TECPR2: variants seen among roughly 807,000 people sequenced by gnomAD.
TECPR2 encodes tectonin beta-propeller repeat-containing protein 2.
A neutral mutation model predicts 138.1 loss-of-function variants in TECPR2; 65 were observed. That is an observed-to-expected ratio of 0.47 (90% confidence interval 0.39 to 0.58). TECPR2 has a LOEUF of 0.58. Ranked by LOEUF, TECPR2 falls within the 20% of genes least tolerant of loss-of-function variation. The pLI, the probability that TECPR2 is intolerant of heterozygous loss-of-function variation, is 0.00. For synonymous variants in TECPR2, 746 were observed against 749.8 expected, an observed-to-expected ratio of 0.99 and a Z score of 0.08; for missense variants, 1,553 against 1,824.5, an observed-to-expected ratio of 0.85 and a Z score of 2.71.
At chr14:102,372,511 C>G (rs1034788458) in intron 1 of TECPR2, among the ~76,000 whole-genome samples, 1 of 152,194 alleles carries the variant, frequency 6.6e-6, no homozygotes, top group African/African-American at 2.4e-5. Flanking sequence ...GTGATCCGCC[C>G]TGACTCAGTC....
At chr14:102,375,044 C>T (rs1397520112) in intron 1 of TECPR2, among the ~76,000 whole-genome samples, 2 of 151,900 alleles carry the variant, frequency 1.3e-5, no homozygotes, top group Non-Finnish European at 2.9e-5. Context: ...GTGGATAGGC[C>T]GGACACGGTG....
Position 102,414,658 on chromosome 14 carries a change from T to G in TECPR2, c.503T>G (p.Val168Gly). Residue 168 changes from valine to glycine, a missense_variant, in exon 5 of 20, where the codon GTG becomes GGG. Physicochemically the swap from Val to Gly is moderately radical, Grantham distance 109. Transcript: ENST00000359520. The stretch of plus-strand genomic sequence containing the variant: ...CAGGGGCTCTGTAACTCCCAGCTGG[T>G]GTTGGAGGAGCCATCTTCCATTGTG... ...LDQGLCNSQL[V>G]LEEPSSIVQL... The G allele has an allele frequency of 6.2e-7, 1 of 1,614,160 alleles. No homozygotes were observed. Among genetic ancestry groups the G allele is most frequent in the Non-Finnish European group, 8.5e-7 (1 of 1,180,028 alleles).
chr14:102,404,726 G>T (rs1266695545), intron 2 of TECPR2, among the ~76,000 whole-genome samples: 1 of 151,662 alleles, frequency 6.6e-6, no homozygotes, highest in Non-Finnish European at 1.5e-5. Context: ...ACAGGCGTGT[G>T]GCACCACACC....
rs1457181583 is a variant in TECPR2 at position 102,415,181 on chromosome 14, C to A, written c.638+388C>A. 1.3e-5 allele frequency among the ~76,000 whole-genome samples: 2 copies of A among 152,194 alleles called. No individual in the cohort carries two copies. The highest frequency in any genetic ancestry group is 4.8e-5 in the African/African-American group (2 of 41,448). On this transcript the variant is annotated intron_variant, in intron 5 of 19. Transcript: ENST00000359520. This position sits in a 1 kb window ranked among gnomAD's most constrained non-coding sequence, Gnocchi z 4.3. ...TTATTCAGCACGTGTTTACCATGCA[C>A]CCCTGTGCACTGTGGCAGGCTCAGC...
chr14:102,426,724 T>TG (rs1212336349), intron 6 of TECPR2, among the ~76,000 whole-genome samples: 1 of 151,842 alleles, frequency 6.6e-6, no homozygotes, highest in Non-Finnish European at 1.5e-5. Context: ...CCAGGCATGG[T>TG]GGTGGGCGCC....
chr14:102,411,269 T>C (rs1461614601), intron 4 of TECPR2, among the ~76,000 whole-genome samples: 1 of 152,242 alleles, frequency 6.6e-6, no homozygotes, highest in African/African-American at 2.4e-5. Flanking sequence ...ATTTTTCTTA[T>C]TAATATAAGA....
rs1258478843 is a variant in TECPR2, at chr14:102,432,092, A to C, written c.1381A>C (p.Ile461Leu). The change falls in exon 8 of 20, where the codon ATC (isoleucine) becomes CTC (leucine). Residue 461 changes from isoleucine to leucine, a missense_variant. Transcript: ENST00000359520. ...TGACCAGGAGCTTGTCGTGAAGCCT[A>C]TCAAAGTGAAAAGGAAGAAGAAGAA... ...DFDQELVVKP[I>L]KVKRKKKKKK... 2 of 1,602,084 alleles carry C rather than the reference A, an allele frequency of 1.2e-6. No individual in the cohort carries two copies. Among genetic ancestry groups the C allele is most frequent in the East Asian group, 4.5e-5 (2 of 44,628 alleles).
intron 17 of TECPR2, among the ~76,000 whole-genome samples, chr14:102,469,447 A>G (rs1261436703): frequency 6.6e-6 from 1 of 152,158 alleles, no homozygotes; most frequent in African/African-American, 2.4e-5. Flanking sequence ...ATTGGGTCTA[A>G]CAGGTTTTTG....
chr14:102,438,331 G>T (rs563315222), intron 10 of TECPR2, 126 bp downstream of exon 10: 4 of 1,253,240 alleles, frequency 3.2e-6, no homozygotes, highest in Middle Eastern at 2.8e-4. Flanking sequence ...GCTGCCGTGC[G>T]TTCACCAGGT....
chr14:102,414,803 A>C lies in TECPR2; in HGVS notation c.638+10A>C, dbSNP rs758765240. On this transcript the variant is annotated intron_variant, in intron 5 of 19. Coordinates refer to ENST00000359520, the MANE Select transcript of TECPR2 (RefSeq NM_014844.5). The stretch of plus-strand genomic sequence containing the variant: ...CACAACCAAGGAAAAGGTAAGTTTC[A>C]CAAGTTTGCCAGTTTGGCCTAAATG... 3 of 1,613,746 alleles carry C rather than the reference A, an allele frequency of 1.9e-6. No homozygotes were observed. The African/African-American group carries it at 4.0e-5, about 22-fold the overall frequency.
Position 102,498,931 on chromosome 14 carries a change from TCACCACATCTCACCACACCA to T in TECPR2, c.*677_*696del, listed in dbSNP as rs1188504903. 1.5e-6 allele frequency: 1 copy of T among 682,970 alleles called. No individual in the cohort carries two copies. The highest frequency in any genetic ancestry group is 2.7e-6 in the Non-Finnish European group (1 of 374,782). The allele number at this position is 682,970 out of a possible 1,614,324, so 42.3% of individuals were successfully genotyped here. Reference sequence around the variant, plus strand: ...ACACCACACCGCACTGCACCATACCTCACCACATCTCACCACACCACAGCACACCTCACCACACAACACAC... The same window carrying T: ...ACACCACACCGCACTGCACCATACCTCAGCACACCTCACCACACAACACAC... On this transcript the variant is annotated 3_prime_UTR_variant, in exon 20 of 20. Transcript: ENST00000359520.
chr14:102,396,599 A>G (rs58165883), intron 2 of TECPR2, among the ~76,000 whole-genome samples: 3,931 of 152,246 alleles, frequency 0.026, 160 homozygotes, highest in African/African-American at 0.09. Context: ...CTAGACATCA[A>G]TTGTACTGGC....
In TECPR2 at chr14:102,498,931, TCAC is replaced by T. The variant is rs541081833; in HGVS notation, c.*678_*680del. 154 of 682,968 alleles carry T rather than the reference TCAC, an allele frequency of 2.3e-4. 1 individual carries two copies. Among genetic ancestry groups the T allele is most frequent in the South Asian group, 4.7e-4 (31 of 66,336 alleles). The allele number at this position is 682,968 out of a possible 1,614,324, so 42.3% of individuals were successfully genotyped here. On this transcript the variant is annotated 3_prime_UTR_variant, in exon 20 of 20. Transcript: ENST00000359520. ...ACACCACACCGCACTGCACCATACC[TCAC>T]CACATCTCACCACACCACAGCACAC...
intron 2 of TECPR2, among the ~76,000 whole-genome samples, chr14:102,398,560 C>T (rs1229969334): frequency 6.6e-6 from 1 of 152,010 alleles, no homozygotes; most frequent in Admixed American, 6.6e-5. Flanking sequence ...CTCCCAAAAG[C>T]GAAAACCAAA....
At chr14:102,406,401 C>T (rs1174697649) in intron 2 of TECPR2, among the ~76,000 whole-genome samples, 1 of 151,860 alleles carries the variant, frequency 6.6e-6, no homozygotes, top group Non-Finnish European at 1.5e-5. Flanking sequence ...ACAAAAAAAG[C>T]GGGGCGTGGT....
chr14:102,392,417 T>C (rs1004138988), intron 2 of TECPR2, among the ~76,000 whole-genome samples: 1 of 152,146 alleles, frequency 6.6e-6, no homozygotes, highest in Non-Finnish European at 1.5e-5. Context: ...AGATCTGTCA[T>C]CTAGTTCAAT....
chr14:102,385,684 A>G (rs1887977538), intron 2 of TECPR2, among the ~76,000 whole-genome samples: 2 of 152,322 alleles, frequency 1.3e-5, no homozygotes, highest in Non-Finnish European at 2.9e-5. Flanking sequence ...CTGTAATCCC[A>G]GCACTTTGGG....
At position 102,498,093 on chromosome 14, in the gene TECPR2, G is replaced by A. The variant is rs1221948630; in HGVS notation, c.4082-10G>A. On this transcript the variant is annotated splice_polypyrimidine_tract_variant and intron_variant, in intron 19 of 19. Coordinates refer to ENST00000359520, the MANE Select transcript of TECPR2 (RefSeq NM_014844.5). ...ATTGACAAGTATGTGATTGGCTCTT[G>A]TCCCTGCAGTGACTGCGTCAGATGA... 2 of 1,599,064 alleles carry A rather than the reference G, an allele frequency of 1.3e-6. No individual in the cohort carries two copies. Among genetic ancestry groups the A allele is most frequent in the Admixed American group, 3.4e-5 (2 of 58,970 alleles).
At chr14:102,425,347 C>G (rs1203919762) in intron 6 of TECPR2, 56 bp downstream of exon 6, 1 of 1,513,272 alleles carries the variant, frequency 6.6e-7, no homozygotes, top group Admixed American at 2.2e-5. Context: ...GAATGTATCT[C>G]TATAAACTGT....
Sources: allele counts gnomAD v4.1 joint callset (sites outside exome capture counted in the v4.1 genomes callset), GRCh38; gene constraint gnomAD v4.1.1; non-coding constraint Gnocchi (gnomAD v3.1); transcripts MANE v1.5; gene names NCBI Gene and HGNC (gene_info 2026-07-23, HGNC 2026-07-21).